FYTTD1: variants seen among roughly 807,000 people sequenced by gnomAD.
The protein encoded by FYTTD1 is UAP56-interacting factor.
A neutral mutation model predicts 40.9 loss-of-function variants in FYTTD1; 22 were observed. That is an observed-to-expected ratio of 0.54 (90% CI 0.38 to 0.77). The LOEUF (loss-of-function observed/expected upper bound fraction) is 0.77. Ranked by LOEUF, FYTTD1 falls within the 30% of genes least tolerant of loss-of-function variation. The pLI is 0.00. For synonymous variants in FYTTD1, 140 were observed against 137.9 expected (o/e 1.01, Z -0.10); for missense variants, 351 against 392.2 (o/e 0.90, Z 0.89).
intron 2 of FYTTD1, among the ~76,000 whole-genome samples, chr3:197,759,551 T>A (rs1729309886): frequency 6.6e-6 from 1 of 151,888 alleles, no homozygotes; most frequent in Non-Finnish European, 1.5e-5. Context: ...TGTTCCTCAG[T>A]GGTAGAACGT....
intron 1 of FYTTD1, among the ~76,000 whole-genome samples, chr3:197,752,673 TTTG>T (rs1729098354): frequency 6.6e-6 from 1 of 152,116 alleles, no homozygotes; most frequent in African/African-American, 2.4e-5. Flanking sequence ...TATATATGGC[TTTG>T]TTATTTTTAT....
chr3:197,779,510 C>G (rs1045358124), intron 8 of FYTTD1, among the ~76,000 whole-genome samples: 2 of 139,322 alleles, frequency 1.4e-5, no homozygotes, highest in Non-Finnish European at 3.1e-5. Flanking sequence ...TTTGTATTGA[C>G]TTTGTGGATT....
At chr3:197,767,663 A>G (rs1344719387) in intron 2 of FYTTD1, among the ~76,000 whole-genome samples, 3 of 152,036 alleles carry the variant, frequency 2.0e-5, no homozygotes, top group Non-Finnish European at 4.4e-5. Context: ...TATGTTGCCC[A>G]GGCTGGTCTT....
At chr3:197,773,967 C>T (rs533158134) in intron 5 of FYTTD1, among the ~76,000 whole-genome samples, 182 bp from the exon 6 acceptor site, 128 of 148,158 alleles carry the variant, frequency 8.6e-4, no homozygotes, top group African/African-American at 2.9e-3. Context: ...TAGAATAGCG[C>T]GGGCCCCTCC....
intron 6 of FYTTD1, among the ~76,000 whole-genome samples, chr3:197,775,014 C>T (rs140870897): frequency 7.2e-5 from 11 of 152,332 alleles, no homozygotes; most frequent in African/African-American, 1.7e-4. Context: ...TTTAGTGCCA[C>T]GTAGATTACT....
At chr3:197,762,600 A>G (rs1390738355) in intron 2 of FYTTD1, among the ~76,000 whole-genome samples, 1 of 147,308 alleles carries the variant, frequency 6.8e-6, no homozygotes, top group Non-Finnish European at 1.5e-5. Context: ...AACATAAAAA[A>G]GGCCGGGCGC....
At chr3:197,768,312 T>C (rs1729610443) in intron 2 of FYTTD1, 127 bp from the exon 3 acceptor site, 1 of 652,002 alleles carries the variant, frequency 1.5e-6, no homozygotes, top group South Asian at 3.3e-5. Flanking sequence ...TTATGTAATT[T>C]AAAAAACATA....
intron 2 of FYTTD1, among the ~76,000 whole-genome samples, chr3:197,766,269 GT>G (rs1560496335): frequency 6.6e-6 from 1 of 151,722 alleles, no homozygotes; most frequent in East Asian, 1.9e-4. Context: ...AAATATATCT[GT>G]GGTTCTATTG....
intron 2 of FYTTD1, among the ~76,000 whole-genome samples, chr3:197,758,821 A>G (rs866681090): frequency 2.0e-5 from 3 of 152,252 alleles, no homozygotes; most frequent in African/African-American, 4.8e-5. Flanking sequence ...TGTAATGTCA[A>G]TGAGGATGTT....
At chr3:197,771,492 T>A (rs1025100901) in intron 4 of FYTTD1, among the ~76,000 whole-genome samples, 1 of 151,788 alleles carries the variant, frequency 6.6e-6, no homozygotes, top group African/African-American at 2.4e-5. Flanking sequence ...AATGCAAAAA[T>A]TAGGCCGGGT....
intron 2 of FYTTD1, among the ~76,000 whole-genome samples, chr3:197,763,940 A>G (rs114816824): frequency 0.025 from 3,785 of 152,282 alleles, 176 homozygotes; most frequent in African/African-American, 0.087. Context: ...GAGCTTTGTG[A>G]ACTAGACGCT....
At chr3:197,773,961 A>G (rs1259378740) in intron 5 of FYTTD1, among the ~76,000 whole-genome samples, 188 bp from the exon 6 acceptor site, 1 of 151,590 alleles carries the variant, frequency 6.6e-6, no homozygotes, top group Admixed American at 6.6e-5. Flanking sequence ...AATTTCTAGA[A>G]TAGCGCGGGC....
At chr3:197,754,024 G>GC (rs1195612429) in intron 1 of FYTTD1, among the ~76,000 whole-genome samples, 1 of 152,176 alleles carries the variant, frequency 6.6e-6, no homozygotes, top group East Asian at 1.9e-4. Flanking sequence ...ACAGGCGTGA[G>GC]CTACCGCACC....
chr3:197,775,606 T>C (rs1299543587), intron 6 of FYTTD1, among the ~76,000 whole-genome samples: 5 of 152,256 alleles, frequency 3.3e-5, no homozygotes, highest in Admixed American at 3.3e-4. Flanking sequence ...TGCAACTGAT[T>C]GAATACATGG....
At position 197,750,032 on chromosome 3, in the gene FYTTD1, G is replaced by T. The variant is rs765594054; in HGVS notation, c.61G>T (p.Ala21Ser). 2.5e-6 allele frequency: 4 copies of T among 1,582,724 alleles called. No individual in the cohort carries two copies. The highest frequency in any genetic ancestry group is 2.6e-6 in the Non-Finnish European group (3 of 1,166,060). ...GGCGACTTCTTCGCCGCCGCCGAAG[G>T]CCCGCAGCAATGAAAACCTCGACAA... Reference protein sequence around the residue: ...ATATSSPPPKARSNENLDKID... With the variant: ...ATATSSPPPKSRSNENLDKID... Residue 21 changes from alanine (A) to serine (S), a missense_variant, in exon 1 of 9, where the codon GCC (alanine) becomes TCC (serine). Transcript: ENST00000241502.
At chr3:197,765,579 A>T (rs1729519796) in intron 2 of FYTTD1, among the ~76,000 whole-genome samples, 1 of 152,168 alleles carries the variant, frequency 6.6e-6, no homozygotes, top group Non-Finnish European at 1.5e-5. Context: ...TAAAGACTTT[A>T]AGCCAGCCGT....
chr3:197,764,476 G>A (rs540574514), intron 2 of FYTTD1, among the ~76,000 whole-genome samples: 10 of 152,250 alleles, frequency 6.6e-5, no homozygotes, highest in Admixed American at 2.0e-4. Flanking sequence ...TTGGGAGGCC[G>A]AGGTGGGCAG....
intron 4 of FYTTD1, among the ~76,000 whole-genome samples, chr3:197,770,631 G>C (rs1310325985): frequency 6.6e-6 from 1 of 152,070 alleles, no homozygotes; most frequent in South Asian, 2.1e-4. Flanking sequence ...CTGGAGCCTT[G>C]GCCTGCCCTG....
intron 1 of FYTTD1, chr3:197,750,278 C>A: frequency 1.0e-6 from 1 of 956,580 alleles, no homozygotes; most frequent in Non-Finnish European, 1.4e-6. Flanking sequence ...GGGACCCGGG[C>A]GTCCCCTCGG....
Sources: gnomAD v4.1 joint callset for allele counts (sites outside exome capture counted in the v4.1 genomes callset) on GRCh38, gnomAD v4.1.1 for gene constraint, MANE v1.5 for transcripts, NCBI Gene and HGNC (gene_info 2026-07-23, HGNC 2026-07-21) for gene names.